ALKBH3: variants seen among roughly 807,000 people sequenced by gnomAD.
The protein encoded by ALKBH3 is alkB homolog 3, alpha-ketoglutarate dependent dioxygenase.
ALKBH3 carries 51 observed loss-of-function variants against 43.9 expected under a neutral mutation model. The ratio of observed to expected loss-of-function variants is 1.16; its 90% CI spans 0.93 to 1.47. The LOEUF (loss-of-function observed/expected upper bound fraction) is 1.47. Ranked by LOEUF, ALKBH3 falls within the 40% of genes most tolerant of loss-of-function variation. ALKBH3 has a pLI of 0.00. For missense variants in ALKBH3, 361 were observed against 351.9 expected, an observed-to-expected ratio of 1.03 and a Z score of -0.21; for synonymous variants, 102 against 115.2, an observed-to-expected ratio of 0.89 and a Z score of 0.73.
At chr11:43,893,806 T>C (rs1411989864) in intron 7 of ALKBH3, among the ~76,000 whole-genome samples, 1 of 152,216 alleles carries the variant, frequency 6.6e-6, no homozygotes, top group Admixed American at 6.5e-5. Context: ...TAACTTTGCC[T>C]TTATTGGTGA....
At chr11:43,900,980 G>C (rs1344525764) in intron 7 of ALKBH3, among the ~76,000 whole-genome samples, 1 of 152,150 alleles carries the variant, frequency 6.6e-6, no homozygotes, top group African/African-American at 2.4e-5. Context: ...TTTTTTGGAA[G>C]TTAGCCACTC....
intron 6 of ALKBH3, 91 bp from the exon 7 acceptor site, chr11:43,891,950 C>A: frequency 1.1e-6 from 1 of 942,724 alleles, no homozygotes; most frequent in South Asian, 1.5e-5. Context: ...TTGTATTTCT[C>A]ATAGCACATT....
chr11:43,901,746 A>T (rs766789908), intron 8 of ALKBH3, 21 bp downstream of exon 8: 6 of 1,611,724 alleles, frequency 3.7e-6, no homozygotes, highest in Non-Finnish European at 5.1e-6. Context: ...TCTTTTTCTT[A>T]TGCTCTTCCT....
chr11:43,906,654 G>A (rs954121805), intron 8 of ALKBH3, among the ~76,000 whole-genome samples: 2 of 152,168 alleles, frequency 1.3e-5, no homozygotes, highest in African/African-American at 2.4e-5. Flanking sequence ...TTTGAGACCA[G>A]CCTGGGTAAC....
chr11:43,911,023 G>A (rs1293965620), intron 8 of ALKBH3, among the ~76,000 whole-genome samples: 6 of 152,170 alleles, frequency 3.9e-5, no homozygotes, highest in Non-Finnish European at 8.8e-5. Flanking sequence ...GCCCTTATGG[G>A]GGTTACAGGA....
Position 43,920,129 on chromosome 11 carries a change from T to A in ALKBH3, c.*119T>A. ...GTGGCTGTTGGGAAGATGGTGGGGT[T>A]TGTTTGCCAGCTTGGAGTCCTATTA... On this transcript the variant is annotated 3_prime_UTR_variant, in exon 10 of 10. Coordinates refer to ENST00000302708, the MANE Select transcript of ALKBH3 (RefSeq NM_139178.4). 1.0e-6 allele frequency: 1 copy of A among 955,224 alleles called. No homozygotes were observed. The highest frequency in any genetic ancestry group is 2.5e-5 in the East Asian group (1 of 40,190). The allele number at this position is 955,224 out of a possible 1,614,324, so 59.2% of individuals were successfully genotyped here. A position where few individuals can be genotyped will look rare whatever the true frequency, so the allele number is the denominator to read the frequency against.
In ALKBH3 at chr11:43,880,891, G is replaced by A. The variant is rs1951705962; in HGVS notation, c.-359G>A. ...TCAGGGGCTGCGAGGGCTGCCCCAA[G>A]TCCTACCGGGTTTGCACGGGCGCGC... On this transcript the variant is annotated 5_prime_UTR_variant, in exon 1 of 10. Transcript: ENST00000302708. The A allele has an allele frequency of 6.6e-6, 1 of 152,336 alleles. No homozygotes were observed. The highest frequency in any genetic ancestry group is 2.4e-5 in the African/African-American group (1 of 41,466). The allele number at this position is 152,336 out of a possible 1,614,324, so 9.4% of individuals were successfully genotyped here. A position where few individuals can be genotyped will look rare whatever the true frequency, so the allele number is the denominator to read the frequency against.
At chr11:43,902,742 G>A (rs886810954) in intron 8 of ALKBH3, among the ~76,000 whole-genome samples, 4 of 152,162 alleles carry the variant, frequency 2.6e-5, no homozygotes, top group South Asian at 2.1e-4. Context: ...GATTACAGGC[G>A]TGTGCCAGGA....
At position 43,901,598 on chromosome 11, in the gene ALKBH3, A is replaced by C; in HGVS notation, c.542A>C (p.Tyr181Ser). Reference sequence around the variant, plus strand: ...TTCAACTCCTTACTCTGCAATCTTTATCGCAATGAGAAGGACAGCGTGGAC... The same window carrying C: ...TTCAACTCCTTACTCTGCAATCTTTCTCGCAATGAGAAGGACAGCGTGGAC... ...HTFNSLLCNLYRNEKDSVDWH... is the reference protein window; with the variant it reads ...HTFNSLLCNLSRNEKDSVDWH... Residue 181 changes from tyrosine to serine, a missense_variant, in exon 8 of 10, where the codon TAT (tyrosine) becomes TCT (serine). Transcript: ENST00000302708. 6.2e-7 allele frequency: 1 copy of C among 1,614,274 alleles called. No homozygotes were observed. The highest frequency in any genetic ancestry group is 1.7e-4 in the Middle Eastern group (1 of 6,060).
In ALKBH3 at chr11:43,919,997, G is replaced by C; in HGVS notation, c.848G>C (p.Gly283Ala). The C allele has an allele frequency of 1.2e-6, 2 of 1,613,918 alleles. No homozygotes were observed. Among genetic ancestry groups the C allele is most frequent in the Non-Finnish European group, 1.7e-6 (2 of 1,179,850 alleles). Residue 283 changes from glycine to alanine, a missense_variant, in exon 10 of 10, where the codon GGG becomes GCG. Gly to Ala is a moderately conservative substitution (Grantham distance 60). Coordinates refer to ENST00000302708, the MANE Select transcript of ALKBH3 (RefSeq NM_139178.4). ...CGGACAGTCTATCCAGACCCTCGAG[G>C]GGCACCCTGGTGACGTCAGAGCTTT... The part of the protein sequence containing the change: ...TFRTVYPDPR[G>A]APW
intron 8 of ALKBH3, among the ~76,000 whole-genome samples, chr11:43,907,836 C>T (rs1951906776): frequency 6.6e-6 from 1 of 152,130 alleles, no homozygotes; most frequent in Non-Finnish European, 1.5e-5. Flanking sequence ...TTATGTCCAT[C>T]AGGGAGCCAG....
In ALKBH3 at chr11:43,888,088, C is replaced by T. The variant is rs1349757752; in HGVS notation, c.266+1435C>T. ...CTGGGATTACAGGCATGAGCCACTG[C>T]GCCTGGCAGTCTTTCTGTTTTTGAG... On this transcript the variant is annotated intron_variant, in intron 5 of 9. Coordinates refer to ENST00000302708, the MANE Select transcript of ALKBH3 (RefSeq NM_139178.4). Among the ~76,000 whole-genome samples, 2 of 24,312 alleles carry T rather than the reference C, an allele frequency of 8.2e-5. 1 individual carries two copies. Among genetic ancestry groups the T allele is most frequent in the African/African-American group, 2.1e-4 (2 of 9,628 alleles). 15.9% of individuals were successfully genotyped at this position (24,312 alleles called of 152,430 possible).
chr11:43,886,600 C>G lies in ALKBH3; in HGVS notation c.219-6C>G. Reference sequence around the variant, plus strand: ...ACTAACAAGTCTGTTTCCTTTGTTTCTTTAGCAGAGAGGGTGTGTATGAAA... The same window carrying G: ...ACTAACAAGTCTGTTTCCTTTGTTTGTTTAGCAGAGAGGGTGTGTATGAAA... On this transcript the variant is annotated splice_region_variant and splice_polypyrimidine_tract_variant and intron_variant, in intron 4 of 9. Transcript: ENST00000302708. The G allele has an allele frequency of 6.2e-7, 1 of 1,613,954 alleles. No homozygotes were observed. The highest frequency in any genetic ancestry group is 8.5e-7 in the Non-Finnish European group (1 of 1,179,940).
intron 5 of ALKBH3, among the ~76,000 whole-genome samples, chr11:43,887,085 T>C (rs926558655): frequency 1.2e-4 from 19 of 152,176 alleles, no homozygotes; most frequent in Admixed American, 6.5e-5. Context: ...CAAACCTGCA[T>C]ATGTACCCCA....
intron 8 of ALKBH3, among the ~76,000 whole-genome samples, chr11:43,918,464 G>A (rs918519742): frequency 6.6e-6 from 1 of 152,214 alleles, no homozygotes; most frequent in Non-Finnish European, 1.5e-5. Flanking sequence ...GTCTGTTCTG[G>A]AAAGAGGCAG....
At chr11:43,906,680 C>G (rs999807635) in intron 8 of ALKBH3, among the ~76,000 whole-genome samples, 4 of 152,030 alleles carry the variant, frequency 2.6e-5, no homozygotes, top group Admixed American at 2.6e-4. Flanking sequence ...GACCCCATCT[C>G]TATTTTTTTA....
chr11:43,902,053 A>G (rs550731112), intron 8 of ALKBH3, among the ~76,000 whole-genome samples: 2 of 152,348 alleles, frequency 1.3e-5, no homozygotes, highest in African/African-American at 2.4e-5. Flanking sequence ...ATTGTGATCA[A>G]TGCTGTGAAG....
chr11:43,886,130 C>T (rs1951744975), intron 4 of ALKBH3, among the ~76,000 whole-genome samples: 1 of 152,112 alleles, frequency 6.6e-6, no homozygotes, highest in Non-Finnish European at 1.5e-5. Context: ...ATTATGAGGA[C>T]CTTGAATGCA....
chr11:43,917,625 C>G (rs1951994397), intron 8 of ALKBH3, among the ~76,000 whole-genome samples: 1 of 152,020 alleles, frequency 6.6e-6, no homozygotes, highest in Admixed American at 6.5e-5. Context: ...CCAGTAGGAC[C>G]ATGTGTCTCC....
Sources: allele counts gnomAD v4.1 joint callset (sites outside exome capture counted in the v4.1 genomes callset), GRCh38; gene constraint gnomAD v4.1.1; transcripts MANE v1.5; gene names NCBI Gene and HGNC (gene_info 2026-07-23, HGNC 2026-07-21).